CAGE1: variants seen among roughly 807,000 people sequenced by gnomAD.
CAGE1 encodes the protein cancer antigen 1.
In CAGE1, 66 loss-of-function variants were observed where a neutral mutation model predicts 94.9. That is an observed-to-expected ratio of 0.70 (90% confidence interval 0.57 to 0.85). The LOEUF (loss-of-function observed/expected upper bound fraction) is 0.85. Among genes scored for constraint, CAGE1 ranks in the 40% least tolerant of loss-of-function variants. The pLI is 0.00. For missense variants in CAGE1, 865 were observed against 950.4 expected (o/e 0.91, Z 1.18); for synonymous variants, 319 against 321.0 (o/e 0.99, Z 0.07).
At chr6:7,379,318 T>C (rs1170105735) in intron 3 of CAGE1, among the ~76,000 whole-genome samples, 4 of 152,228 alleles carry the variant, frequency 2.6e-5, no homozygotes, top group Non-Finnish European at 5.9e-5. Flanking sequence ...TGTTGTACTG[T>C]AATTTTAAGA....
Position 7,339,524 on chromosome 6 carries a change from G to A in CAGE1, c.2370-5434C>T, listed in dbSNP as rs145171585. The A allele has an allele frequency of 1.4e-4, 110 of 800,196 alleles. 2 individuals carry two copies. The African/African-American group carries it at 1.5e-3, about 11-fold the overall frequency. 49.6% of individuals were successfully genotyped at this position (800,196 alleles called of 1,614,324 possible). ...ACTCATTCATTTCAGCTTAGAAGAT[G>A]CCATCAGTGACAAACTTCCTCTTCT... On this transcript the variant is annotated intron_variant, in intron 11 of 13. Transcript: ENST00000502583. This position sits in a 1 kb window ranked among gnomAD's most constrained non-coding sequence, Gnocchi z 4.7.
chr6:7,343,669 T>C (rs1285897271), intron 11 of CAGE1, among the ~76,000 whole-genome samples: 1 of 152,096 alleles, frequency 6.6e-6, no homozygotes, highest in African/African-American at 2.4e-5. Flanking sequence ...GAATAGTAAA[T>C]AAGTTAATGC....
chr6:7,339,419 G>C lies in CAGE1; in HGVS notation c.2370-5329C>G, dbSNP rs1253221010. The stretch of plus-strand genomic sequence containing the variant: ...GAACATTCTGTGTTCTGGTGGCTAA[G>C]ACAATGATTTCTGTCCTGGTTGGTG... On this transcript the variant is annotated intron_variant, in intron 11 of 13. Coordinates refer to ENST00000502583, the MANE Select transcript of CAGE1 (RefSeq NM_001170692.2). This position sits in a 1 kb window ranked among gnomAD's most constrained non-coding sequence, Gnocchi z 4.7. 4 of 1,517,802 alleles carry C rather than the reference G, an allele frequency of 2.6e-6. No homozygotes were observed. Among genetic ancestry groups the C allele is most frequent in the Non-Finnish European group, 3.7e-6 (4 of 1,093,546 alleles). 94.0% of individuals were successfully genotyped at this position (1,517,802 alleles called of 1,614,324 possible). A position where few individuals can be genotyped will look rare whatever the true frequency, so the allele number is the denominator to read the frequency against.
In CAGE1 at chr6:7,373,644, G is replaced by A. The variant is rs749281807; in HGVS notation, c.1175C>T (p.Thr392Met). ...CCTGGATTCCTGAAGATGTTTTTGC[G>A]TGTTAGCTAAAACCTCTTCCAAATT... ...LQNLEEVLAN[T>M]QKHLQESRND... The change falls in exon 5 of 14, where the codon ACG (threonine) becomes ATG (methionine). Residue 392 changes from threonine to methionine, a missense_variant. Coordinates refer to ENST00000502583, the MANE Select transcript of CAGE1 (RefSeq NM_001170692.2). 49 of 1,613,084 alleles carry A rather than the reference G, an allele frequency of 3.0e-5. No homozygotes were observed. Among genetic ancestry groups the A allele is most frequent in the Middle Eastern group, 3.3e-4 (2 of 6,062 alleles).
chr6:7,364,572 G>C (rs375861817), intron 9 of CAGE1, among the ~76,000 whole-genome samples: 2 of 152,072 alleles, frequency 1.3e-5, no homozygotes, highest in Non-Finnish European at 2.9e-5. Context: ...GAGTTCAAGC[G>C]ATTCTCCTGC....
intron 11 of CAGE1, among the ~76,000 whole-genome samples, chr6:7,350,835 G>C (rs1164574456): frequency 6.6e-6 from 1 of 152,018 alleles, no homozygotes; most frequent in African/African-American, 2.4e-5. Flanking sequence ...GACAGTCTAA[G>C]GTTACACCTC....
At chr6:7,382,167 G>C (rs1760957836) in intron 3 of CAGE1, among the ~76,000 whole-genome samples, 1 of 151,962 alleles carries the variant, frequency 6.6e-6, no homozygotes, top group Non-Finnish European at 1.5e-5. Context: ...GTGACTTGTA[G>C]TTCTTTATTT....
At chr6:7,368,651 A>T (rs1228846199) in intron 7 of CAGE1, 37 bp downstream of exon 7, 1 of 1,110,612 alleles carries the variant, frequency 9.0e-7, no homozygotes, top group Admixed American at 2.9e-5. Flanking sequence ...TTTCACTAAA[A>T]ATAATAAAAT....
chr6:7,378,865 C>T lies in CAGE1; in HGVS notation c.439G>A (p.Val147Met), dbSNP rs1428589053. The change falls in exon 4 of 14, where the codon GTG becomes ATG. Residue 147 changes from valine (V) to methionine (M), a missense_variant. Val to Met is a conservative substitution (Grantham distance 21). Transcript: ENST00000502583. ...MTEKPEFQSQ[V>M]YNYAKDNNIK... Reference sequence around the variant, plus strand: ...TTGTTGTCTTTTGCATAATTATACACTTGACTTTGAAATTCTGGCTTCTCT... The same window carrying T: ...TTGTTGTCTTTTGCATAATTATACATTTGACTTTGAAATTCTGGCTTCTCT... The T allele has an allele frequency of 6.2e-7, 1 of 1,612,062 alleles. No individual in the cohort carries two copies. Among genetic ancestry groups the T allele is most frequent in the Admixed American group, 1.7e-5 (1 of 59,662 alleles).
chr6:7,368,113 C>T (rs1222371630), intron 7 of CAGE1, among the ~76,000 whole-genome samples: 13 of 151,822 alleles, frequency 8.6e-5, no homozygotes, highest in African/African-American at 2.4e-4. Flanking sequence ...ATTAGCTGGA[C>T]GTGGCAGCAC....
At chr6:7,374,662 G>A (rs1167745758) in intron 4 of CAGE1, among the ~76,000 whole-genome samples, 1 of 151,952 alleles carries the variant, frequency 6.6e-6, no homozygotes, top group African/African-American at 2.4e-5. Flanking sequence ...GTGACTCTCA[G>A]GAACATTAGA....
chr6:7,381,843 T>G (rs1760944287), intron 3 of CAGE1, among the ~76,000 whole-genome samples: 1 of 149,904 alleles, frequency 6.7e-6, no homozygotes, highest in Non-Finnish European at 1.5e-5. Context: ...TTATGTGCCT[T>G]TTTCTTTTTT....
At chr6:7,378,161 G>C (rs1206764441) in intron 4 of CAGE1, among the ~76,000 whole-genome samples, 1 of 151,874 alleles carries the variant, frequency 6.6e-6, no homozygotes, top group Non-Finnish European at 1.5e-5. Flanking sequence ...CCATTCTTTT[G>C]TTTCTTTACT....
chr6:7,354,902 A>T, intron 11 of CAGE1, 139 bp downstream of exon 11: 1 of 597,512 alleles, frequency 1.7e-6, no homozygotes, highest in East Asian at 2.8e-5. Flanking sequence ...GTCTATACCT[A>T]TATTAATAAA....
At chr6:7,367,992 T>A (rs1379033919) in intron 7 of CAGE1, among the ~76,000 whole-genome samples, 1 of 152,124 alleles carries the variant, frequency 6.6e-6, no homozygotes, top group Non-Finnish European at 1.5e-5. Context: ...CCCAACACTT[T>A]AGGAGGCCAA....
chr6:7,344,734 C>G (rs1759362045), intron 11 of CAGE1, among the ~76,000 whole-genome samples: 1 of 152,214 alleles, frequency 6.6e-6, no homozygotes, highest in Admixed American at 6.5e-5. Context: ...ATTGTAAATA[C>G]ACCAATCAGC....
intron 5 of CAGE1, among the ~76,000 whole-genome samples, chr6:7,372,632 T>C (rs1328406747): frequency 6.6e-6 from 1 of 152,112 alleles, no homozygotes; most frequent in East Asian, 1.9e-4. Flanking sequence ...TCTCCAAACC[T>C]GTGGTGTATT....
chr6:7,375,195 G>A (rs944429161), intron 4 of CAGE1, among the ~76,000 whole-genome samples: 2 of 151,980 alleles, frequency 1.3e-5, no homozygotes, highest in African/African-American at 2.4e-5. Context: ...TGGATCATGA[G>A]GTCAGGAGAT....
chr6:7,345,480 A>G (rs965949945), intron 11 of CAGE1, among the ~76,000 whole-genome samples: 1 of 152,206 alleles, frequency 6.6e-6, no homozygotes, highest in Admixed American at 6.5e-5. Context: ...CAGACACAAA[A>G]TGGCATACTC....
Sources: allele counts gnomAD v4.1 joint callset (sites outside exome capture counted in the v4.1 genomes callset), GRCh38; gene constraint gnomAD v4.1.1; non-coding constraint Gnocchi (gnomAD v3.1); transcripts MANE v1.5; gene names NCBI Gene and HGNC (gene_info 2026-07-23, HGNC 2026-07-21).